ELMO1: variants seen among roughly 807,000 people sequenced by gnomAD.
The protein encoded by ELMO1 is engulfment and cell motility 1.
A neutral mutation model predicts 98.9 loss-of-function variants in ELMO1; 26 were observed. The ratio of observed to expected loss-of-function variants is 0.26; its 90% CI spans 0.19 to 0.36. The LOEUF (loss-of-function observed/expected upper bound fraction) is 0.36. ELMO1 is among the 10% of genes least tolerant of loss of function. ELMO1 has a pLI of 1.00. For missense variants in ELMO1, 627 were observed against 935.2 expected, an observed-to-expected ratio of 0.67 and a Z score of 4.30; for synonymous variants, 346 against 346.0, an observed-to-expected ratio of 1.00 and a Z score of 0.00.
At chr7:37,067,776 C>A (rs567208366) in intron 15 of ELMO1, among the ~76,000 whole-genome samples, 1 of 151,368 alleles carries the variant, frequency 6.6e-6, no homozygotes, top group South Asian at 2.1e-4. Context: ...GTTATTAACA[C>A]CATAAAGGTT....
intron 16 of ELMO1, among the ~76,000 whole-genome samples, chr7:36,899,682 A>ATTTTTTTTTTTTTTTTTTTT (rs1178774148): frequency 2.4e-3 from 13 of 5,384 alleles, no homozygotes; most frequent in Non-Finnish European, 5.0e-3. Context: ...ATCTTTACTC[A>ATTTTTTTTTTTTTTTTTTTT]TCTTTTTTTT....
At chr7:37,130,994 AT>A (rs1353015444) in intron 14 of ELMO1, among the ~76,000 whole-genome samples, 1 of 152,190 alleles carries the variant, frequency 6.6e-6, no homozygotes, top group African/African-American at 2.4e-5. Flanking sequence ...AGAAAAGACC[AT>A]TGAGCTCATG....
At position 36,894,850 on chromosome 7, in the gene ELMO1, T is replaced by G; in HGVS notation, c.1601+4A>C. 2 of 1,614,092 alleles carry G rather than the reference T, an allele frequency of 1.2e-6. No individual in the cohort carries two copies. Among genetic ancestry groups the G allele is most frequent in the Non-Finnish European group, 1.7e-6 (2 of 1,179,986 alleles). On this transcript the variant is annotated splice_donor_region_variant and intron_variant, in intron 17 of 21. Transcript: ENST00000310758. ...GAGATAGAAGTCAATACTAGGTAAC[T>G]TACAAAATCGGGCGGGACTGGAAAT... is the stretch of plus-strand genomic sequence containing the variant.
At chr7:37,004,341 T>C (rs1230192057) in intron 16 of ELMO1, among the ~76,000 whole-genome samples, 2 of 152,142 alleles carry the variant, frequency 1.3e-5, no homozygotes, top group Admixed American at 1.3e-4. Context: ...ACAGCCCCAA[T>C]GTATAGTTAA....
At chr7:36,883,808 G>A (rs6963456) in intron 18 of ELMO1, among the ~76,000 whole-genome samples, 7,414 of 152,186 alleles carry the variant, frequency 0.049, 291 homozygotes, top group South Asian at 0.15. Flanking sequence ...ATAGTAATGC[G>A]AGAATGGACT....
chr7:37,382,440 G>A (rs192508898), intron 1 of ELMO1, among the ~76,000 whole-genome samples: 11 of 152,268 alleles, frequency 7.2e-5, no homozygotes, highest in African/African-American at 1.4e-4. Flanking sequence ...CCACTTTGGC[G>A]TAAGAATTAT....
At position 36,874,602 on chromosome 7, in the gene ELMO1, C is replaced by T. The variant is rs576531890; in HGVS notation, c.1822+3408G>A. 2.0e-5 allele frequency among the ~76,000 whole-genome samples: 3 copies of T among 152,314 alleles called. No individual in the cohort carries two copies. In the East Asian group the frequency reaches 5.8e-4, roughly 29 times the overall value. On this transcript the variant is annotated intron_variant, in intron 19 of 21. Transcript: ENST00000310758. ...GACCCAAATTGCCCACAGTGCCTCC[C>T]TGTGTCGCCGCTCTTCGCATCCACT...
At chr7:37,346,472 T>A (rs1021053135) in intron 1 of ELMO1, among the ~76,000 whole-genome samples, 1 of 152,238 alleles carries the variant, frequency 6.6e-6, no homozygotes, top group Non-Finnish European at 1.5e-5. Context: ...GTTAAGTAAT[T>A]ATAGTGTCTT....
intron 11 of ELMO1, among the ~76,000 whole-genome samples, chr7:37,216,037 GCTT>G (rs1388803216): frequency 7.0e-6 from 1 of 143,256 alleles, no homozygotes; most frequent in Non-Finnish European, 1.5e-5. Flanking sequence ...CAATCAACCT[GCTT>G]CTTTCAAGTA....
chr7:36,877,072 G>A (rs1344245603), intron 19 of ELMO1, among the ~76,000 whole-genome samples: 2 of 152,152 alleles, frequency 1.3e-5, no homozygotes, highest in African/African-American at 4.8e-5. Flanking sequence ...TTCAATGGCC[G>A]TGAGCTGTGA....
At chr7:37,095,742 A>T (rs1374268958) in intron 15 of ELMO1, among the ~76,000 whole-genome samples, 2 of 152,244 alleles carry the variant, frequency 1.3e-5, no homozygotes, top group African/African-American at 2.4e-5. Context: ...TCCTCCCATT[A>T]ATCATTTCAG....
intron 13 of ELMO1, among the ~76,000 whole-genome samples, chr7:37,133,778 G>C (rs901272548): frequency 4.6e-5 from 7 of 152,166 alleles, no homozygotes; most frequent in African/African-American, 1.7e-4. Context: ...ATAAAGTTCA[G>C]ATATCCACAG....
intron 10 of ELMO1, among the ~76,000 whole-genome samples, chr7:37,219,244 T>C (rs973717878): frequency 6.6e-6 from 1 of 152,140 alleles, no homozygotes; most frequent in Non-Finnish European, 1.5e-5. Context: ...AAGGCCTACC[T>C]CACAGATGCA....
chr7:37,302,316 G>C (rs943064267), intron 4 of ELMO1, among the ~76,000 whole-genome samples: 1 of 152,142 alleles, frequency 6.6e-6, no homozygotes, highest in African/African-American at 2.4e-5. Flanking sequence ...CCTCTAATCA[G>C]GGCAGGCTTG....
intron 16 of ELMO1, among the ~76,000 whole-genome samples, chr7:36,935,125 A>G (rs922411614): frequency 5.3e-5 from 8 of 152,044 alleles, no homozygotes; most frequent in Non-Finnish European, 1.2e-4. Flanking sequence ...CCAGTGGGAG[A>G]TAATTGAATC....
chr7:37,030,512 A>T (rs1383695420), intron 15 of ELMO1, among the ~76,000 whole-genome samples: 2 of 152,216 alleles, frequency 1.3e-5, no homozygotes, highest in Non-Finnish European at 2.9e-5. Context: ...AAGATACCCA[A>T]TATGACAACA....
In ELMO1 at chr7:36,852,983, T is replaced by G. The variant is rs1374381291; in HGVS notation, c.*2568A>C. ...CTTGGACTTCACGACAACATCAGTC[T>G]TCCTACTTTACTTCTGCCTTGGATT... is the stretch of plus-strand genomic sequence containing the variant. On this transcript the variant is annotated 3_prime_UTR_variant, in exon 22 of 22. Coordinates refer to ENST00000310758, the MANE Select transcript of ELMO1 (RefSeq NM_014800.11). Among the ~76,000 whole-genome samples, 1 of 152,252 alleles carries G rather than the reference T, an allele frequency of 6.6e-6. No individual in the cohort carries two copies.
At chr7:37,425,680 C>T (rs755298699) in intron 1 of ELMO1, among the ~76,000 whole-genome samples, 7 of 152,196 alleles carry the variant, frequency 4.6e-5, no homozygotes, top group Non-Finnish European at 7.3e-5. Context: ...GAGTTTAAAA[C>T]GTTAGGTTCC....
chr7:37,126,762 G>A (rs1305469167), intron 14 of ELMO1, among the ~76,000 whole-genome samples: 4 of 152,270 alleles, frequency 2.6e-5, no homozygotes, highest in South Asian at 2.1e-4. Flanking sequence ...CAGCCACTGC[G>A]CATGGCTCCA....
Sources: gnomAD v4.1 joint callset for allele counts (sites outside exome capture counted in the v4.1 genomes callset) on GRCh38, gnomAD v4.1.1 for gene constraint, MANE v1.5 for transcripts, NCBI Gene and HGNC (gene_info 2026-07-23, HGNC 2026-07-21) for gene names.